Variants in PARP4 observed in about 807,000 individuals in gnomAD.
PARP4 encodes protein mono-ADP-ribosyltransferase PARP4.
Under a neutral mutation model 187.7 loss-of-function variants are expected in PARP4, and 120 were observed. The observed-to-expected ratio is 0.64, with a 90% CI of 0.55 to 0.74. The LOEUF (loss-of-function observed/expected upper bound fraction) is 0.74. PARP4 is among the 30% of genes least tolerant of loss of function. PARP4 has a pLI of 0.00. For synonymous variants in PARP4, 654 were observed against 740.9 expected, an observed-to-expected ratio of 0.88 and a Z score of 1.90; for missense variants, 1,836 against 2,070.5, an observed-to-expected ratio of 0.89 and a Z score of 2.20.
chr13:24,452,213 G>A (rs1871557133), intron 24 of PARP4, 193 bp downstream of exon 24: 5 of 534,638 alleles, frequency 9.4e-6, no homozygotes, highest in Admixed American at 6.6e-5. Context: ...TCAAGGTCAC[G>A]GCTAAGCTAA....
intron 24 of PARP4, among the ~76,000 whole-genome samples, chr13:24,450,064 T>C (rs28406166): frequency 0.16 from 23,586 of 151,898 alleles, 2,382 homozygotes; most frequent in African/African-American, 0.28. Flanking sequence ...TTGAAATTCT[T>C]GACTTTCAGT....
At chr13:24,464,661 G>A (rs1872367484) in intron 17 of PARP4, among the ~76,000 whole-genome samples, 1 of 152,090 alleles carries the variant, frequency 6.6e-6, no homozygotes. Context: ...ACGGACTAAA[G>A]ACTTAAATAT....
At chr13:24,440,268 C>T (rs886453880) in intron 30 of PARP4, among the ~76,000 whole-genome samples, 3 of 151,670 alleles carry the variant, frequency 2.0e-5, no homozygotes, top group South Asian at 2.1e-4. Context: ...TGTGGTGGCG[C>T]GTACCTGTAA....
intron 33 of PARP4, 41 bp from the exon 34 acceptor site, chr13:24,421,355 T>C (rs1869735987): frequency 3.6e-6 from 3 of 832,030 alleles, no homozygotes; most frequent in South Asian, 1.9e-5. Context: ...GAATATAACA[T>C]GTGAAATGTA....
Position 24,506,379 on chromosome 13 carries a change from CTTCCACAGCGTGGAAGAGGACCCCAG to C in PARP4, c.-1-2628_-1-2603del, listed in dbSNP as rs1869678355. The stretch of plus-strand genomic sequence containing the variant: ...TTACTGCAAGGAGTGAAAAACAAAG[CTTCCACAGCGTGGAAGAGGACCCCAG>C]CAGGTTGCCACTGCTAGCTCGGGCA... On this transcript the variant is annotated intron_variant, in intron 1 of 33. Transcript: ENST00000381989. 3.9e-5 allele frequency among the ~76,000 whole-genome samples: 6 copies of C among 152,294 alleles called. No individual in the cohort carries two copies. The South Asian group carries it at 1.2e-3, about 32-fold the overall frequency.
intron 33 of PARP4, among the ~76,000 whole-genome samples, chr13:24,426,234 C>T (rs572128192): frequency 1.3e-5 from 2 of 152,148 alleles, no homozygotes; most frequent in South Asian, 2.1e-4. Flanking sequence ...CAGCCTCCAG[C>T]GGGAGCTGCA....
chr13:24,485,072 G>A (rs1338929657), intron 11 of PARP4, among the ~76,000 whole-genome samples: 2 of 152,086 alleles, frequency 1.3e-5, no homozygotes, highest in African/African-American at 4.8e-5. Flanking sequence ...TTTATGGTTT[G>A]ATTTTAAATA....
At chr13:24,456,886 G>A (rs546914043) in intron 20 of PARP4, among the ~76,000 whole-genome samples, 1 of 152,062 alleles carries the variant, frequency 6.6e-6, no homozygotes, top group South Asian at 2.1e-4. Flanking sequence ...GGTAACAACA[G>A]GGAAACTCTG....
chr13:24,459,368 C>T, intron 18 of PARP4, 58 bp from the exon 19 acceptor site: 1 of 1,424,814 alleles, frequency 7.0e-7, no homozygotes, highest in South Asian at 1.3e-5. Context: ...CACAATGAGA[C>T]TAAAGTGAAT....
chr13:24,446,558 T>G (rs1158760870), intron 27 of PARP4, 123 bp downstream of exon 27: 2 of 667,248 alleles, frequency 3.0e-6, no homozygotes, highest in African/African-American at 3.7e-5. Context: ...GAATTTGTAT[T>G]GGGCTGCATT....
intron 9 of PARP4, among the ~76,000 whole-genome samples, chr13:24,491,693 T>TAA (rs1868663167): frequency 6.6e-6 from 1 of 152,224 alleles, no homozygotes; most frequent in African/African-American, 2.4e-5. Flanking sequence ...AAGGCAGGGT[T>TAA]GGCTGCTGTG....
intron 14 of PARP4, among the ~76,000 whole-genome samples, chr13:24,476,804 A>G (rs1873009158): frequency 6.6e-6 from 1 of 152,204 alleles, no homozygotes; most frequent in Non-Finnish European, 1.5e-5. Flanking sequence ...ATCCTCTTGT[A>G]TGCTCGCACT....
At chr13:24,480,004 G>A (rs1873188283) in intron 12 of PARP4, among the ~76,000 whole-genome samples, 1 of 151,926 alleles carries the variant, frequency 6.6e-6, no homozygotes, top group Non-Finnish European at 1.5e-5. Context: ...AAGGTCTGCA[G>A]CTTCACTCCT....
intron 15 of PARP4, among the ~76,000 whole-genome samples, chr13:24,470,910 G>A (rs1445250858): frequency 2.0e-5 from 3 of 152,086 alleles, no homozygotes; most frequent in Non-Finnish European, 4.4e-5. Context: ...GGTCAGCACC[G>A]TCCTGGAGAC....
At chr13:24,454,735 A>G (rs1871728209) in intron 22 of PARP4, among the ~76,000 whole-genome samples, 1 of 152,196 alleles carries the variant, frequency 6.6e-6, no homozygotes, top group African/African-American at 2.4e-5. Flanking sequence ...TCCTCCTCAC[A>G]GCAACACTGT....
rs9511259 is a variant in PARP4, at chr13:24,434,961, A to C, written c.4180T>G (p.Ser1394Ala). Residue 1394 changes from serine to alanine, a missense_variant, in exon 31 of 34, where the codon TCA becomes GCA. This residue lies in a region of PARP4 where 450 missense variants were observed against 439.2 expected (regional missense o/e 1.02). Coordinates refer to ENST00000381989, the MANE Select transcript of PARP4 (RefSeq NM_006437.4). ...GAAAAAACAATGCCACAATAGGGTG[A>C]AGAAGGTGGGTTCTGGGGAGGTCCT... Reference protein sequence around the residue: ...PTGPPQNPPSSPYCGIVFSGS... With the variant: ...PTGPPQNPPSAPYCGIVFSGS... 1,540,063 of 1,613,930 alleles carry C rather than the reference A, an allele frequency of 0.95. 735,138 individuals are homozygous for C. Among genetic ancestry groups the C allele is most frequent in the East Asian group, 0.99 (44,314 of 44,866 alleles).
chr13:24,454,948 G>A (rs540402838), intron 22 of PARP4, 69 bp downstream of exon 22: 5 of 1,308,158 alleles, frequency 3.8e-6, no homozygotes, highest in Admixed American at 2.1e-5. Flanking sequence ...ACCCACAGTT[G>A]TCAGCTCTAC....
chr13:24,445,845 T>C (rs1025837813), intron 27 of PARP4, among the ~76,000 whole-genome samples: 1 of 152,002 alleles, frequency 6.6e-6, no homozygotes. Flanking sequence ...GTGTCTGGAG[T>C]TGGAATCAGT....
At chr13:24,472,197 GT>G (rs1470630725) in intron 15 of PARP4, among the ~76,000 whole-genome samples, 1 of 152,138 alleles carries the variant, frequency 6.6e-6, no homozygotes, top group East Asian at 1.9e-4. Flanking sequence ...AGAGAATTAA[GT>G]ACTGCATGTG....
Sources: gnomAD v4.1 joint callset for allele counts (sites outside exome capture counted in the v4.1 genomes callset) on GRCh38, gnomAD v4.1.1 for gene constraint, gnomAD v4.1.1 regional missense constraint, MANE v1.5 for transcripts, NCBI Gene and HGNC (gene_info 2026-07-23, HGNC 2026-07-21) for gene names.